Variants in KATNAL2 observed in about 807,000 individuals in gnomAD.
KATNAL2 encodes the protein katanin p60 ATPase-containing subunit A-like 2.
A neutral mutation model predicts 76.3 loss-of-function variants in KATNAL2; 52 were observed. The ratio of observed to expected loss-of-function variants is 0.68; its 90% CI spans 0.55 to 0.86. The LOEUF is 0.86. Ranked by LOEUF, KATNAL2 falls within the 40% of genes least tolerant of loss-of-function variation. The pLI is 0.00. For missense variants in KATNAL2, 660 were observed against 668.9 expected (o/e 0.99, Z 0.15); for synonymous variants, 243 against 244.2 (o/e 1.00, Z 0.05).
At chr18:47,033,409 A>G in intron 3 of KATNAL2, 6 of 1,613,458 alleles carry the variant, frequency 3.7e-6, no homozygotes, top group Non-Finnish European at 5.1e-6. Context: ...CATTACTCTC[A>G]GCCGCTGCTC....
At chr18:47,032,893 G>C (rs546568732) in intron 3 of KATNAL2, 5 of 1,588,742 alleles carry the variant, frequency 3.1e-6, no homozygotes, top group Non-Finnish European at 4.3e-6. Flanking sequence ...GCTCAACTTT[G>C]CACCAAGTTA....
chr18:46,937,281 C>T (rs1196365881), intron 1 of KATNAL2, among the ~76,000 whole-genome samples: 1 of 152,098 alleles, frequency 6.6e-6, no homozygotes, highest in African/African-American at 2.4e-5. Context: ...CTGTCCAGTA[C>T]TCCTAAAAAT....
chr18:47,074,713 C>T (rs759453755), intron 13 of KATNAL2, among the ~76,000 whole-genome samples: 3 of 152,008 alleles, frequency 2.0e-5, no homozygotes, highest in Non-Finnish European at 4.4e-5. Flanking sequence ...AATTGCCTTC[C>T]GTACCTAAGC....
At chr18:47,094,197 T>C (rs2063129906) in intron 15 of KATNAL2, among the ~76,000 whole-genome samples, 1 of 152,212 alleles carries the variant, frequency 6.6e-6, no homozygotes, top group Non-Finnish European at 1.5e-5. Context: ...ATGTGCCATC[T>C]TGGAAGCAGA....
At chr18:47,084,613 C>T (rs762682262) in intron 15 of KATNAL2, among the ~76,000 whole-genome samples, 2 of 152,014 alleles carry the variant, frequency 1.3e-5, no homozygotes, top group African/African-American at 4.8e-5. Flanking sequence ...CTTTGGGAGG[C>T]GGAGGTAGGC....
intron 1 of KATNAL2, among the ~76,000 whole-genome samples, chr18:46,941,910 T>G (rs887496236): frequency 2.6e-5 from 4 of 152,082 alleles, no homozygotes; most frequent in Non-Finnish European, 5.9e-5. Flanking sequence ...AGCGCACACT[T>G]GGACAGGGGA....
chr18:46,939,869 G>T (rs2059197944), intron 1 of KATNAL2, among the ~76,000 whole-genome samples: 1 of 152,076 alleles, frequency 6.6e-6, no homozygotes, highest in Admixed American at 6.6e-5. Flanking sequence ...AATGACATAG[G>T]TTACCCTGCT....
intron 4 of KATNAL2, among the ~76,000 whole-genome samples, chr18:47,048,680 C>T (rs2061239907): frequency 6.6e-6 from 1 of 152,094 alleles, no homozygotes; most frequent in Non-Finnish European, 1.5e-5. Flanking sequence ...TAGTGGGCTG[C>T]TCTGCTCTAT....
chr18:46,957,137 G>GTCAA (rs1189158362), intron 3 of KATNAL2, among the ~76,000 whole-genome samples: 7 of 151,762 alleles, frequency 4.6e-5, no homozygotes, highest in African/African-American at 1.7e-4. Flanking sequence ...ACTTGACTGT[G>GTCAA]CTTTGGGGTG....
At chr18:46,946,807 G>C in intron 2 of KATNAL2, 47 bp from the exon 3 acceptor site, 1 of 1,487,282 alleles carries the variant, frequency 6.7e-7, no homozygotes, top group Non-Finnish European at 9.1e-7. Context: ...AGGTTCCTTG[G>C]ATCGACCGGT....
chr18:46,960,598 A>C (rs569308736), intron 3 of KATNAL2, among the ~76,000 whole-genome samples: 2 of 152,286 alleles, frequency 1.3e-5, no homozygotes, highest in South Asian at 4.2e-4. Context: ...CTGCACATAC[A>C]TAGAGGAAAA....
At chr18:47,034,609 G>C (rs1238906866) in intron 3 of KATNAL2, 8 of 1,614,036 alleles carry the variant, frequency 5.0e-6, no homozygotes, top group Non-Finnish European at 6.8e-6. Context: ...GCTCACAACG[G>C]CTTTCCCCTG....
chr18:47,092,825 C>A (rs2063060397), intron 15 of KATNAL2, among the ~76,000 whole-genome samples: 1 of 152,192 alleles, frequency 6.6e-6, no homozygotes, highest in South Asian at 2.1e-4. Context: ...GGTTTACTCT[C>A]CTCCTTTGGA....
At chr18:47,057,055 A>C (rs1412091451) in intron 6 of KATNAL2, among the ~76,000 whole-genome samples, 1 of 152,128 alleles carries the variant, frequency 6.6e-6, no homozygotes, top group African/African-American at 2.4e-5. Flanking sequence ...CAGTGAGACC[A>C]ACACTCACAG....
chr18:46,948,051 G>A lies in KATNAL2; in HGVS notation c.51+1128G>A, dbSNP rs551682415. Among the ~76,000 whole-genome samples, 19 of 152,166 alleles carry A rather than the reference G, an allele frequency of 1.2e-4. 1 individual carries two copies. The highest frequency in any genetic ancestry group is 1.2e-3 in the South Asian group (6 of 4,812). On this transcript the variant is annotated intron_variant, in intron 3 of 17. Coordinates refer to ENST00000683218, the MANE Select transcript of KATNAL2 (RefSeq NM_001387690.1). Reference sequence around the variant, plus strand: ...CTTGCACTTTAAGCACGAACTCTACGTTTGAAAAACACAGCCGTAAACGTT... The same window carrying A: ...CTTGCACTTTAAGCACGAACTCTACATTTGAAAAACACAGCCGTAAACGTT...
Position 47,069,465 on chromosome 18 carries a change from T to C in KATNAL2, c.890-17T>C. On this transcript the variant is annotated splice_polypyrimidine_tract_variant and intron_variant, in intron 12 of 17. Coordinates refer to ENST00000683218, the MANE Select transcript of KATNAL2 (RefSeq NM_001387690.1). The stretch of plus-strand genomic sequence containing the variant: ...GGAGTTGAAATGCCTGCTCATCTTT[T>C]ATGTGTTTCTCTTTAGGTACAGGAA... 1.3e-6 allele frequency: 2 copies of C among 1,574,914 alleles called. No homozygotes were observed. Among genetic ancestry groups the C allele is most frequent in the Non-Finnish European group, 1.7e-6 (2 of 1,149,554 alleles).
chr18:47,063,345 C>T lies in KATNAL2; in HGVS notation c.710C>T (p.Ala237Val). 6.2e-7 allele frequency: 1 copy of T among 1,613,766 alleles called. No individual in the cohort carries two copies. Among genetic ancestry groups the T allele is most frequent in the Non-Finnish European group, 8.5e-7 (1 of 1,179,786 alleles). ...IGMNSEMREL[A>V]AVVSRDIYLH... ...ATGAACAGTGAGATGCGAGAATTGG[C>T]AGCCGTGGTGAGCCGGGTAAGATCT... is the stretch of plus-strand genomic sequence containing the variant. The change falls in exon 10 of 18, where the codon GCA becomes GTA. Residue 237 changes from alanine to valine, a missense_variant. By Grantham distance (64) the Ala-to-Val change is moderately conservative (BLOSUM62 0). Coordinates refer to ENST00000683218, the MANE Select transcript of KATNAL2 (RefSeq NM_001387690.1).
chr18:47,070,364 G>A (rs960103415), intron 13 of KATNAL2, among the ~76,000 whole-genome samples: 2 of 152,018 alleles, frequency 1.3e-5, no homozygotes, highest in Non-Finnish European at 2.9e-5. Flanking sequence ...GCCTTCCAAC[G>A]TGCTAGGATT....
In KATNAL2 at chr18:46,943,605, T is replaced by C. The variant is rs150206360; in HGVS notation, c.-509-2452T>C. 6.4e-4 allele frequency among the ~76,000 whole-genome samples: 98 copies of C among 152,344 alleles called. 2 individuals are homozygous for C. In the East Asian group the frequency reaches 0.017, roughly 26 times the overall value. On this transcript the variant is annotated intron_variant, in intron 1 of 17. Transcript: ENST00000683218. ...AGGCATGAATAATCCACCCCCTGTT[T>C]AGCATATCATCAAGAAATAACCAAA...
Sources: allele counts gnomAD v4.1 joint callset (sites outside exome capture counted in the v4.1 genomes callset), GRCh38; gene constraint gnomAD v4.1.1; transcripts MANE v1.5; gene names NCBI Gene and HGNC (gene_info 2026-07-23, HGNC 2026-07-21).